The following NCK1 variants were observed in gnomAD, a reference collection of about 807,000 sequenced individuals.
NCK1 encodes SH2/SH3 adapter protein NCK1.
NCK1 carries 19 observed loss-of-function variants against 36.6 expected under a neutral mutation model. The observed-to-expected ratio is 0.52, with a 90% confidence interval of 0.36 to 0.76. The LOEUF is 0.76. Ranked by LOEUF, NCK1 falls within the 30% of genes least tolerant of loss-of-function variation. NCK1 has a pLI of 0.00. For missense variants in NCK1, 358 were observed against 445.6 expected, an observed-to-expected ratio of 0.80 and a Z score of 1.77; for synonymous variants, 165 against 156.0, an observed-to-expected ratio of 1.06 and a Z score of -0.43.
At position 136,873,753 on chromosome 3, in the gene NCK1, A is replaced by G. The variant is rs371141807; in HGVS notation, c.-19+11400A>G. Among the ~76,000 whole-genome samples, 133 of 152,224 alleles carry G rather than the reference A, an allele frequency of 8.7e-4. 2 individuals carry two copies. Among genetic ancestry groups the G allele is most frequent in the African/African-American group, 2.9e-3 (121 of 41,532 alleles). ...TGTGCTTTTCTTGTGATAGTGAATA[A>G]GTCTTTTGAGAACTGATGATTTTTA... On this transcript the variant is annotated intron_variant, in intron 1 of 3. Transcript: ENST00000481752.
rs1560028396 is a variant in NCK1 at position 136,867,096 on chromosome 3, CTTTCTTTCTTTCTTTCTTTCTTTGT to C, written c.-19+4746_-19+4770del. On this transcript the variant is annotated intron_variant, in intron 1 of 3. Coordinates refer to ENST00000481752, the MANE Select transcript of NCK1 (RefSeq NM_001291999.2). ...TCTTTCTTTCTTTCTTTCTTTCTTT[CTTTCTTTCTTTCTTTCTTTCTTTGT>C]TTCTTTCTTTCCTTCCTTCCTTCCT... Among the ~76,000 whole-genome samples the C allele has an allele frequency of 1.3e-4, 6 of 47,112 alleles. 1 individual carries two copies. The highest frequency in any genetic ancestry group is 4.4e-4 in the African/African-American group (5 of 11,298). 30.9% of individuals were successfully genotyped at this position (47,112 alleles called of 152,430 possible).
intron 1 of NCK1, among the ~76,000 whole-genome samples, chr3:136,864,556 C>T (rs1938355683): frequency 6.6e-6 from 1 of 151,972 alleles, no homozygotes; most frequent in Non-Finnish European, 1.5e-5. Context: ...CTGAGGGAGA[C>T]CAGGCGGGGT....
In NCK1 at chr3:136,878,344, G is replaced by C. The variant is rs536160210; in HGVS notation, c.-19+15991G>C. ...GAGTCGTTTGAACTGGGGAGGTGGA[G>C]GTTACAGTGAGCCAAGATAGCAACA... On this transcript the variant is annotated intron_variant, in intron 1 of 3. Transcript: ENST00000481752. 3.3e-5 allele frequency among the ~76,000 whole-genome samples: 5 copies of C among 152,276 alleles called. No individual in the cohort carries two copies. The East Asian group carries it at 9.6e-4, about 29-fold the overall frequency.
intron 1 of NCK1, among the ~76,000 whole-genome samples, chr3:136,881,970 T>C (rs771127463): frequency 6.6e-6 from 1 of 152,234 alleles, no homozygotes; most frequent in Non-Finnish European, 1.5e-5. Flanking sequence ...CTGTTAAGAA[T>C]AGTGTTTCCA....
chr3:136,928,861 T>TTAA (rs1280634046), intron 2 of NCK1: 1 of 119,688 alleles, frequency 8.4e-6, no homozygotes, highest in African/African-American at 3.1e-5. Flanking sequence ...GCCTCTTCTT[T>TTAA]AAAAAAAAAA....
intron 2 of NCK1, among the ~76,000 whole-genome samples, chr3:136,944,839 A>T (rs1422733830): frequency 6.6e-6 from 1 of 152,218 alleles, no homozygotes; most frequent in Non-Finnish European, 1.5e-5. Flanking sequence ...AAGTTGATGT[A>T]GCGTACATTT....
At chr3:136,923,632 AAG>A (rs1329359684) in intron 1 of NCK1, among the ~76,000 whole-genome samples, 1 of 152,032 alleles carries the variant, frequency 6.6e-6, no homozygotes, top group Non-Finnish European at 1.5e-5. Context: ...GGGGAGAGAA[AAG>A]AGAAGGTATG....
intron 1 of NCK1, among the ~76,000 whole-genome samples, chr3:136,866,236 A>T (rs1938405887): frequency 6.6e-6 from 1 of 151,918 alleles, no homozygotes; most frequent in Non-Finnish European, 1.5e-5. Flanking sequence ...GTCCACTCTA[A>T]CCAAACCAAT....
intron 1 of NCK1, among the ~76,000 whole-genome samples, chr3:136,862,715 C>T (rs1040078232): frequency 3.3e-5 from 5 of 152,224 alleles, no homozygotes; most frequent in Non-Finnish European, 7.3e-5. Context: ...ATGAAAAAGT[C>T]CTTTTGCCAG....
intron 2 of NCK1, among the ~76,000 whole-genome samples, chr3:136,930,081 A>G (rs1021789069): frequency 5.3e-5 from 8 of 152,174 alleles, no homozygotes; most frequent in African/African-American, 1.9e-4. Flanking sequence ...ACCTGTAAAG[A>G]GATATAAGTC....
chr3:136,888,712 C>T (rs1239818472), intron 1 of NCK1, among the ~76,000 whole-genome samples: 1 of 152,118 alleles, frequency 6.6e-6, no homozygotes, highest in African/African-American at 2.4e-5. Context: ...TTAGTTGTCA[C>T]CCCTAACCTC....
At chr3:136,919,357 G>A (rs188336078) in intron 1 of NCK1, among the ~76,000 whole-genome samples, 43 of 151,836 alleles carry the variant, frequency 2.8e-4, no homozygotes, top group Admixed American at 2.2e-3. Flanking sequence ...AAAATAAACA[G>A]CAAAAAAATA....
chr3:136,913,817 C>T (rs1186329613), intron 1 of NCK1, among the ~76,000 whole-genome samples: 2 of 152,172 alleles, frequency 1.3e-5, no homozygotes, highest in East Asian at 1.9e-4. Flanking sequence ...TACAGGCGCC[C>T]GCCACCGCGC....
intron 1 of NCK1, among the ~76,000 whole-genome samples, chr3:136,923,509 C>T (rs746534233): frequency 3.3e-5 from 5 of 151,880 alleles, no homozygotes; most frequent in Non-Finnish European, 5.9e-5. Flanking sequence ...GAGCCAGGGT[C>T]GCTCCACTGC....
At chr3:136,887,102 C>A (rs1055808515) in intron 1 of NCK1, among the ~76,000 whole-genome samples, 2 of 152,114 alleles carry the variant, frequency 1.3e-5, no homozygotes, top group Non-Finnish European at 1.5e-5. Flanking sequence ...CTTTGGCCTC[C>A]CAAAGTGCTG....
intron 1 of NCK1, among the ~76,000 whole-genome samples, chr3:136,910,928 G>C (rs1939815431): frequency 6.6e-6 from 1 of 151,996 alleles, no homozygotes; most frequent in South Asian, 2.1e-4. Context: ...TCCCATCCTG[G>C]CTTCTCCCCA....
rs1268322419 is a variant in NCK1 at position 136,948,299 on chromosome 3, A to C, written c.980A>C (p.Asn327Thr). 1.2e-6 allele frequency: 2 copies of C among 1,607,790 alleles called. No homozygotes were observed. The highest frequency in any genetic ancestry group is 1.7e-6 in the Non-Finnish European group (2 of 1,177,190). Residue 327 changes from asparagine (N) to threonine (T), a missense_variant, in exon 4 of 4, where the codon AAC becomes ACC. Asn to Thr is a moderately conservative substitution (Grantham distance 65). Coordinates refer to ENST00000481752, the MANE Select transcript of NCK1 (RefSeq NM_001291999.2). ...FSVSLKAQGK[N>T]KHFKVQLKET... ...GTATCACTAAAAGCACAAGGGAAAA[A>C]CAAGCATTTTAAAGTCCAACTAAAA...
intron 1 of NCK1, among the ~76,000 whole-genome samples, chr3:136,867,081 T>C (rs1198764793): frequency 2.9e-4 from 1 of 3,448 alleles, no homozygotes. Context: ...TCTTTCTTTC[T>C]TTCTTTCTTT....
chr3:136,902,415 G>A (rs1260700996), intron 1 of NCK1, among the ~76,000 whole-genome samples: 1 of 152,054 alleles, frequency 6.6e-6, no homozygotes, highest in African/African-American at 2.4e-5. Flanking sequence ...GGCTGGTCTC[G>A]AGCTCCTGAG....
Sources: gnomAD v4.1 joint callset for allele counts (sites outside exome capture counted in the v4.1 genomes callset) on GRCh38, gnomAD v4.1.1 for gene constraint, MANE v1.5 for transcripts, NCBI Gene and HGNC (gene_info 2026-07-23, HGNC 2026-07-21) for gene names.